Variants in ABR observed in about 807,000 individuals in gnomAD.
ABR encodes active breakpoint cluster region-related protein.
Under a neutral mutation model 107.2 loss-of-function variants are expected in ABR, and 35 were observed. The observed-to-expected ratio is 0.33, with a 90% CI of 0.25 to 0.43. ABR has a LOEUF of 0.43. Ranked by LOEUF, ABR falls within the 20% of genes least tolerant of loss-of-function variation. The pLI, the probability that ABR is intolerant of heterozygous loss-of-function variation, is 1.00. For missense variants in ABR, 815 were observed against 1,115.2 expected, an observed-to-expected ratio of 0.73 and a Z score of 3.83; for synonymous variants, 498 against 462.0, an observed-to-expected ratio of 1.08 and a Z score of -1.00.
chr17:1,087,890 G>A (rs58948008), intron 4 of ABR, among the ~76,000 whole-genome samples: 2 of 152,072 alleles, frequency 1.3e-5, no homozygotes, highest in East Asian at 1.9e-4. Context: ...CACCCCAGGC[G>A]GTAGGGCCCG....
chr17:1,179,794 G>A lies in ABR; in HGVS notation c.-67C>T, dbSNP rs534528165. The A allele has an allele frequency of 3.2e-5, 29 of 914,330 alleles. 3 individuals carry two copies. In the South Asian group the frequency reaches 4.5e-4, roughly 14 times the overall value. 56.6% of individuals were successfully genotyped at this position (914,330 alleles called of 1,614,324 possible). A position where few individuals can be genotyped will look rare whatever the true frequency, so the allele number is the denominator to read the frequency against. ...TCGCGCAACAAAGGAGGGAGAGCGG[G>A]CGGGAGCCGGGGGAGGCCGAAGTTG... is the stretch of plus-strand genomic sequence containing the variant. On this transcript the variant is annotated 5_prime_UTR_variant, in exon 1 of 23. Transcript: ENST00000302538. This position sits in a 1 kb window ranked among gnomAD's most constrained non-coding sequence, Gnocchi z 4.9.
intron 1 of ABR, among the ~76,000 whole-genome samples, chr17:1,156,689 G>GA (rs917512608): frequency 4.0e-4 from 56 of 141,024 alleles, no homozygotes; most frequent in African/African-American, 4.7e-4. Context: ...GTCTCAAAAA[G>GA]AAAAAAAAAA....
chr17:1,038,562 C>T (rs1353131634), intron 16 of ABR, among the ~76,000 whole-genome samples: 11 of 152,206 alleles, frequency 7.2e-5, no homozygotes, highest in African/African-American at 7.2e-5. Context: ...CCTCCGAGGG[C>T]GTGAACACGG....
Position 1,020,894 on chromosome 17 carries a change from C to T in ABR, c.1792-7730G>A, listed in dbSNP as rs531032961. On this transcript the variant is annotated intron_variant, in intron 16 of 22. Transcript: ENST00000302538. ...GGAGGGCTGCTCCCGGCCAGCTCCC[C>T]GTGCTCGGATTCAGGGGCACGCTCC... Among the ~76,000 whole-genome samples the T allele has an allele frequency of 7.9e-5, 12 of 152,220 alleles. No homozygotes were observed. In the South Asian group the frequency reaches 1.2e-3, roughly 16 times the overall value.
In ABR at chr17:1,071,535, A is replaced by C. The variant is rs568253362; in HGVS notation, c.894+1079T>G. Among the ~76,000 whole-genome samples the C allele has an allele frequency of 6.6e-6, 1 of 152,170 alleles. No individual in the cohort carries two copies. On this transcript the variant is annotated intron_variant, in intron 8 of 22. Transcript: ENST00000302538. The surrounding 1 kb of genome is among the most constrained non-coding windows in gnomAD (Gnocchi z 5.1). ...GCTGGGCTGTCCCCACCCTTGCATC[A>C]AGAAGGGCCCCCAGGGAACGGCTGT...
chr17:1,159,262 A>AATGCGGTACTCACTCACAAGGGAAGT (rs2041166709), intron 1 of ABR, among the ~76,000 whole-genome samples: 2 of 122,464 alleles, frequency 1.6e-5, no homozygotes, highest in African/African-American at 6.7e-5. Context: ...GAGAAGTAGG[A>AATGCGGTACTCACTCACAAGGGAAGT]ATGCGGTACT....
At chr17:1,077,978 C>T (rs563023233) in intron 6 of ABR, among the ~76,000 whole-genome samples, 41 of 152,306 alleles carry the variant, frequency 2.7e-4, no homozygotes, top group Admixed American at 1.2e-3. Flanking sequence ...CTACCTGGGC[C>T]GGCTTCATCC....
At chr17:1,079,721 G>A (rs557974297) in intron 5 of ABR, among the ~76,000 whole-genome samples, 27 of 143,328 alleles carry the variant, frequency 1.9e-4, no homozygotes, top group African/African-American at 3.9e-4. Flanking sequence ...CCTGGGAGGC[G>A]GAGGTTGCAG....
chr17:1,128,978 C>T (rs2039710990), intron 1 of ABR, among the ~76,000 whole-genome samples: 1 of 152,238 alleles, frequency 6.6e-6, no homozygotes, highest in African/African-American at 2.4e-5. Flanking sequence ...CAATTTGAGC[C>T]TCTGTTACTT....
chr17:1,058,099 T>A, intron 11 of ABR, 54 bp from the exon 12 acceptor site: 2 of 1,277,728 alleles, frequency 1.6e-6, no homozygotes, highest in Non-Finnish European at 2.3e-6. Flanking sequence ...CAAAGCGTAC[T>A]CCCAGATCCT....
At chr17:1,195,346 T>C (rs2042537462) in intron 1 of ABR, among the ~76,000 whole-genome samples, 1 of 149,366 alleles carries the variant, frequency 6.7e-6, no homozygotes, top group Admixed American at 6.7e-5. Flanking sequence ...TCCTCCCACC[T>C]TGGCCTCTCC....
chr17:1,022,924 C>A (rs1224815777), intron 16 of ABR, among the ~76,000 whole-genome samples: 1 of 152,282 alleles, frequency 6.6e-6, no homozygotes, highest in Non-Finnish European at 1.5e-5. Context: ...TTGTCCAAGG[C>A]AGGCTAGCCT....
chr17:1,142,009 C>T lies in ABR; in HGVS notation c.62-16642G>A, dbSNP rs148877127. On this transcript the variant is annotated intron_variant, in intron 1 of 22. Coordinates refer to ENST00000302538, the MANE Select transcript of ABR (RefSeq NM_021962.5). Reference sequence around the variant, plus strand: ...CTGACCTCAGGTGATCCACCTGCCTCGGCCTCCCAAAGTGCTGGGATTACA... The same window carrying T: ...CTGACCTCAGGTGATCCACCTGCCTTGGCCTCCCAAAGTGCTGGGATTACA... Among the ~76,000 whole-genome samples the T allele has an allele frequency of 2.1e-3, 320 of 152,066 alleles. 3 individuals are homozygous for T. The highest frequency in any genetic ancestry group is 7.2e-3 in the African/African-American group (299 of 41,510).
chr17:1,029,210 G>A (rs1213493845), intron 16 of ABR, among the ~76,000 whole-genome samples: 1 of 151,860 alleles, frequency 6.6e-6, no homozygotes, highest in Non-Finnish European at 1.5e-5. Context: ...GTGTCTCCCA[G>A]CTAAACACTC....
chr17:1,213,936 G>A (rs149483142), intron 1 of ABR, among the ~76,000 whole-genome samples: 7 of 152,158 alleles, frequency 4.6e-5, no homozygotes, highest in African/African-American at 1.7e-4. Context: ...CGCCCAGGCT[G>A]GAGTGCAATG....
intron 16 of ABR, among the ~76,000 whole-genome samples, chr17:1,034,052 C>A (rs2072999226): frequency 6.6e-6 from 1 of 150,840 alleles, no homozygotes; most frequent in African/African-American, 2.4e-5. Context: ...CTCACTGCAG[C>A]CTCCGCCTCC....
intron 16 of ABR, among the ~76,000 whole-genome samples, chr17:1,018,218 A>G (rs961513183): frequency 3.3e-5 from 5 of 151,182 alleles, no homozygotes; most frequent in East Asian, 2.0e-4. Flanking sequence ...AATTTTTTGT[A>G]TTTTTAGTAG....
At chr17:1,048,874 AGG>A (rs1422896972) in intron 16 of ABR, among the ~76,000 whole-genome samples, 1 of 152,204 alleles carries the variant, frequency 6.6e-6, no homozygotes, top group African/African-American at 2.4e-5. Flanking sequence ...CCAACGCCCG[AGG>A]CTCAACCTCA....
At chr17:1,215,061 C>T (rs375532381) in intron 1 of ABR, among the ~76,000 whole-genome samples, 19 of 151,748 alleles carry the variant, frequency 1.3e-4, no homozygotes, top group East Asian at 3.9e-4. Flanking sequence ...TTCTACAAAA[C>T]ATACAGAAAT....
Sources: allele counts gnomAD v4.1 joint callset (sites outside exome capture counted in the v4.1 genomes callset), GRCh38; gene constraint gnomAD v4.1.1; non-coding constraint Gnocchi (gnomAD v3.1); transcripts MANE v1.5; gene names NCBI Gene and HGNC (gene_info 2026-07-23, HGNC 2026-07-21).